The following BRD7 variants were observed in gnomAD, a reference collection of about 807,000 sequenced individuals.
BRD7 encodes the protein bromodomain-containing protein 7.
In BRD7, 15 loss-of-function variants were observed where a neutral mutation model predicts 82.1. The observed-to-expected ratio is 0.18, with a 90% CI of 0.12 to 0.28. The LOEUF (loss-of-function observed/expected upper bound fraction) is 0.28, where lower values mean the gene tolerates loss of function less well. Among genes scored for constraint, BRD7 ranks in the 10% least tolerant of loss-of-function variants. The pLI is 1.00. For synonymous variants in BRD7, 232 were observed against 266.9 expected (o/e 0.87, Z 1.27); for missense variants, 638 against 779.9 (o/e 0.82, Z 2.17).
chr16:50,320,625 CA>C, intron 14 of BRD7, 37 bp downstream of exon 14: 3 of 1,487,492 alleles, frequency 2.0e-6, no homozygotes, highest in Non-Finnish European at 2.8e-6. Context: ...CTGCCTACAT[CA>C]TGCAGTGTTT....
At chr16:50,335,240 C>A (rs1455711117) in intron 6 of BRD7, among the ~76,000 whole-genome samples, 1 of 152,192 alleles carries the variant, frequency 6.6e-6, no homozygotes, top group African/African-American at 2.4e-5. Flanking sequence ...TTGTGTTTAA[C>A]AGACAGGCTT....
chr16:50,356,564 T>C (rs780998857), intron 2 of BRD7, among the ~76,000 whole-genome samples: 1 of 152,118 alleles, frequency 6.6e-6, no homozygotes, highest in African/African-American at 2.4e-5. Context: ...AAGCATACAT[T>C]GTTTACAGAT....
chr16:50,320,399 G>GT lies in BRD7; in HGVS notation c.1613-9dup, dbSNP rs763089653. 1 of 1,612,066 alleles carries GT rather than the reference G, an allele frequency of 6.2e-7. No individual in the cohort carries two copies. Among genetic ancestry groups the GT allele is most frequent in the African/African-American group, 1.3e-5 (1 of 74,832 alleles). On this transcript the variant is annotated splice_polypyrimidine_tract_variant and intron_variant, in intron 14 of 16. Coordinates refer to ENST00000394688, the MANE Select transcript of BRD7 (RefSeq NM_013263.5). ...TCTGGAATATTTCAGCTTCTGTGTGGTAAGAAAACAGACACACTTCTGTTT... is the reference window on the plus strand; with the variant it reads ...TCTGGAATATTTCAGCTTCTGTGTGGTTAAGAAAACAGACACACTTCTGTTT...
intron 5 of BRD7, among the ~76,000 whole-genome samples, chr16:50,344,084 C>G (rs1198231497): frequency 6.6e-6 from 1 of 152,152 alleles, no homozygotes; most frequent in African/African-American, 2.4e-5. Context: ...AAGGATCGGG[C>G]AGCAACATGT....
rs2036868702 is a variant in BRD7 at position 50,317,701 on chromosome 16, T to C, written c.*1510A>G. 6.6e-6 allele frequency: 1 copy of C among 152,290 alleles called. No individual in the cohort carries two copies. The highest frequency in any genetic ancestry group is 1.5e-5 in the Non-Finnish European group (1 of 68,038). 9.4% of individuals were successfully genotyped at this position (152,290 alleles called of 1,614,324 possible). On this transcript the variant is annotated 3_prime_UTR_variant, in exon 17 of 17. Coordinates refer to ENST00000394688, the MANE Select transcript of BRD7 (RefSeq NM_013263.5). Reference sequence around the variant, plus strand: ...GACCATAAAAATTACCTGCAGGTATTTTCTTTTTATGAACTTGTTTTTAAA... The same window carrying C: ...GACCATAAAAATTACCTGCAGGTATCTTCTTTTTATGAACTTGTTTTTAAA...
chr16:50,348,058 C>A (rs2151183863), intron 5 of BRD7, among the ~76,000 whole-genome samples: 1 of 152,292 alleles, frequency 6.6e-6, no homozygotes, highest in Non-Finnish European at 1.5e-5. Context: ...GGTACCAAAA[C>A]AGAGACAGAG....
chr16:50,318,311 A>AAAT lies in BRD7; in HGVS notation c.*897_*899dup, dbSNP rs766460572. 20 of 152,346 alleles carry AAAT rather than the reference A, an allele frequency of 1.3e-4. No individual in the cohort carries two copies. The highest frequency in any genetic ancestry group is 4.1e-4 in the African/African-American group (17 of 41,588). The allele number at this position is 152,346 out of a possible 1,614,324, so 9.4% of individuals were successfully genotyped here. A position where few individuals can be genotyped will look rare whatever the true frequency, so the allele number is the denominator to read the frequency against. ...TACTAATTAATTTTCAAAGTCAGGA[A>AAAT]AATAATAGAAATCAAATGGCTTCCT... On this transcript the variant is annotated 3_prime_UTR_variant, in exon 17 of 17. Coordinates refer to ENST00000394688, the MANE Select transcript of BRD7 (RefSeq NM_013263.5).
chr16:50,346,091 A>C (rs1255205860), intron 5 of BRD7, among the ~76,000 whole-genome samples: 2 of 152,226 alleles, frequency 1.3e-5, no homozygotes, highest in Non-Finnish European at 2.9e-5. Context: ...AGTGCAATCA[A>C]ACTAGAACTC....
At chr16:50,352,825 T>C (rs1022277906) in intron 4 of BRD7, among the ~76,000 whole-genome samples, 1 of 151,970 alleles carries the variant, frequency 6.6e-6, no homozygotes, top group Non-Finnish European at 1.5e-5. Flanking sequence ...GCCATTTGAA[T>C]GTCTTCTTTT....
Position 50,353,722 on chromosome 16 carries a change from T to C in BRD7, c.446+703A>G, listed in dbSNP as rs563905965. ...CATTCTCCTGCCTCAGCCTCCCAAG[T>C]AGCTGGGACTACAGGCGCCCATCAC... On this transcript the variant is annotated intron_variant, in intron 4 of 16. Transcript: ENST00000394688. Among the ~76,000 whole-genome samples the C allele has an allele frequency of 3.1e-3, 468 of 151,232 alleles. 3 individuals carry two copies. The highest frequency in any genetic ancestry group is 0.01 in the African/African-American group (419 of 41,248).
At chr16:50,325,310 A>C (rs1303991404) in intron 11 of BRD7, among the ~76,000 whole-genome samples, 1 of 152,174 alleles carries the variant, frequency 6.6e-6, no homozygotes, top group African/African-American at 2.4e-5. Flanking sequence ...TTGGTCAAAA[A>C]GGCTTTTATG....
intron 4 of BRD7, among the ~76,000 whole-genome samples, chr16:50,353,884 C>T (rs776282469): frequency 1.3e-5 from 2 of 152,052 alleles, no homozygotes. Flanking sequence ...AGGCGTGAGC[C>T]ACCACACCCG....
intron 8 of BRD7, 124 bp downstream of exon 8, chr16:50,333,450 G>T: frequency 8.0e-7 from 1 of 1,255,760 alleles, no homozygotes; most frequent in Non-Finnish European, 1.1e-6. Context: ...TTTCTGCTAA[G>T]TATTATACTG....
Position 50,319,070 on chromosome 16 carries a change from C to T in BRD7, c.*141G>A. On this transcript the variant is annotated 3_prime_UTR_variant, in exon 17 of 17. Coordinates refer to ENST00000394688, the MANE Select transcript of BRD7 (RefSeq NM_013263.5). ...CCAGCTTTATTACCTAATACAAGTCCAACCTCTGGAACATCCAAATTCGCT... is the reference window on the plus strand; with the variant it reads ...CCAGCTTTATTACCTAATACAAGTCTAACCTCTGGAACATCCAAATTCGCT... 1 of 806,900 alleles carries T rather than the reference C, an allele frequency of 1.2e-6. No individual in the cohort carries two copies. The highest frequency in any genetic ancestry group is 2.9e-5 in the Admixed American group (1 of 34,974). 50.0% of individuals were successfully genotyped at this position (806,900 alleles called of 1,614,324 possible). A position where few individuals can be genotyped will look rare whatever the true frequency, so the allele number is the denominator to read the frequency against.
Position 50,368,849 on chromosome 16 carries a change from C to A in BRD7, c.-75G>T, listed in dbSNP as rs1161648597. The A allele has an allele frequency of 2.1e-5, 23 of 1,113,242 alleles. No individual in the cohort carries two copies. The highest frequency in any genetic ancestry group is 3.2e-5 in the South Asian group (1 of 30,780). 69.0% of individuals were successfully genotyped at this position (1,113,242 alleles called of 1,614,324 possible). On this transcript the variant is annotated 5_prime_UTR_variant, in exon 1 of 17. Transcript: ENST00000394688. ...GGCGCCGCTTCCGGTCCGGGCCAGG[C>A]GAGCGGAGGGCGGGAGCGGGGCCCG...
At chr16:50,356,793 G>C (rs1654279106) in intron 2 of BRD7, among the ~76,000 whole-genome samples, 1 of 151,722 alleles carries the variant, frequency 6.6e-6, no homozygotes, top group Non-Finnish European at 1.5e-5. Flanking sequence ...TGTTAAAGCT[G>C]GATGGTTGGT....
Position 50,354,480 on chromosome 16 carries a change from C to T in BRD7, c.391G>A (p.Val131Ile), listed in dbSNP as rs749452040. The T allele has an allele frequency of 6.8e-6, 11 of 1,610,416 alleles. No homozygotes were observed. Among genetic ancestry groups the T allele is most frequent in the African/African-American group, 1.3e-5 (1 of 74,794 alleles). Reference protein sequence around the residue: ...LTSSLAKQEEVEQTPLQEALN... With the variant: ...LTSSLAKQEEIEQTPLQEALN... ...GCTTCTTGAAGGGGTGTCTGTTCTA[C>T]TTCTAAAGCAAAGAAGAAGGGAAAA... The change falls in exon 4 of 17, where the codon GTA becomes ATA. Residue 131 changes from valine to isoleucine, a missense_variant and splice_region_variant. Physicochemically the swap from Val to Ile is conservative, Grantham distance 29. This residue lies in a region of BRD7 where 172 missense variants were observed against 155.3 expected (regional missense o/e 1.11). Coordinates refer to ENST00000394688, the MANE Select transcript of BRD7 (RefSeq NM_013263.5).
chr16:50,322,040 T>C lies in BRD7; in HGVS notation c.1444-2A>G. On this transcript the variant is annotated splice_acceptor_variant, in intron 12 of 16. Transcript: ENST00000394688. LOFTEE classifies it high-confidence loss of function. ...ATGGCCTTCATCTTCAGGCAATGAC[T>C]ATAAGGATGAAGAAAAACAGCTTTT... The C allele has an allele frequency of 6.3e-7, 1 of 1,596,510 alleles. No homozygotes were observed. The highest frequency in any genetic ancestry group is 2.3e-5 in the East Asian group (1 of 44,210).
intron 2 of BRD7, among the ~76,000 whole-genome samples, chr16:50,355,605 C>T (rs910336738): frequency 1.3e-5 from 2 of 152,110 alleles, no homozygotes; most frequent in African/African-American, 4.8e-5. Context: ...AAGTCAATGA[C>T]AAAAGGGTGG....
Sources: allele counts gnomAD v4.1 joint callset (sites outside exome capture counted in the v4.1 genomes callset), GRCh38; gene constraint gnomAD v4.1.1; regional missense constraint gnomAD v4.1.1; transcripts MANE v1.5; gene names NCBI Gene and HGNC (gene_info 2026-07-23, HGNC 2026-07-21).